Variants in ESRRG observed in about 807,000 individuals in gnomAD.
The protein encoded by ESRRG is estrogen-related receptor gamma.
Under a neutral mutation model 44.0 loss-of-function variants are expected in ESRRG, and 13 were observed. The ratio of observed to expected loss-of-function variants is 0.30; its 90% CI spans 0.19 to 0.47. ESRRG has a LOEUF of 0.47. Among genes scored for constraint, ESRRG ranks in the 20% least tolerant of loss-of-function variants. The probability of loss-of-function intolerance (pLI) is 1.00; values close to 1 mark genes in which losing one functional copy is unlikely to be tolerated. For missense variants in ESRRG, 395 were observed against 580.6 expected, an observed-to-expected ratio of 0.68 and a Z score of 3.29; for synonymous variants, 215 against 214.6, an observed-to-expected ratio of 1.00 and a Z score of -0.02.
intron 1 of ESRRG, among the ~76,000 whole-genome samples, chr1:216,950,754 T>C (rs2066821218): frequency 6.6e-6 from 1 of 152,224 alleles, no homozygotes; most frequent in Non-Finnish European, 1.5e-5. Context: ...TTATTGAAGA[T>C]GTTCAAAAAC....
chr1:217,070,689 A>T (rs541483452), intron 1 of ESRRG, among the ~76,000 whole-genome samples: 3 of 152,352 alleles, frequency 2.0e-5, no homozygotes, highest in East Asian at 3.9e-4. Flanking sequence ...ACCAATGTTA[A>T]AATCTGGAAA....
At chr1:216,923,600 C>G (rs774819175) in intron 2 of ESRRG, among the ~76,000 whole-genome samples, 1 of 150,948 alleles carries the variant, frequency 6.6e-6, no homozygotes, top group Non-Finnish European at 1.5e-5. Flanking sequence ...TCGGCAGATC[C>G]GAGCAGAGGA....
intron 2 of ESRRG, among the ~76,000 whole-genome samples, chr1:216,850,020 G>T (rs2095817576): frequency 6.6e-6 from 1 of 152,056 alleles, no homozygotes; most frequent in South Asian, 2.1e-4. Flanking sequence ...ACTGAAAGGT[G>T]TAATGCACTT....
intron 2 of ESRRG, among the ~76,000 whole-genome samples, chr1:216,800,700 A>G (rs1334656852): frequency 6.6e-6 from 1 of 152,182 alleles, no homozygotes; most frequent in African/African-American, 2.4e-5. Context: ...GCATATGCTC[A>G]TAAAATTTAG....
At chr1:216,759,957 A>G (rs1446945892) in intron 2 of ESRRG, among the ~76,000 whole-genome samples, 2 of 152,048 alleles carry the variant, frequency 1.3e-5, no homozygotes, top group Non-Finnish European at 2.9e-5. Flanking sequence ...CAACCTTCAG[A>G]TCTTAGAACA....
intron 2 of ESRRG, among the ~76,000 whole-genome samples, chr1:216,766,108 A>G (rs2093061092): frequency 6.6e-6 from 1 of 152,112 alleles, no homozygotes; most frequent in South Asian, 2.1e-4. Context: ...CATTCAGCAT[A>G]CTTGTCCTCA....
chr1:216,776,058 C>T (rs185268082), intron 2 of ESRRG, among the ~76,000 whole-genome samples: 2 of 152,162 alleles, frequency 1.3e-5, no homozygotes, highest in Non-Finnish European at 2.9e-5. Flanking sequence ...GAGAGCTCTT[C>T]TTATCACTCC....
intron 1 of ESRRG, among the ~76,000 whole-genome samples, chr1:216,719,945 A>T (rs986283750): frequency 2.6e-5 from 4 of 152,068 alleles, no homozygotes; most frequent in Non-Finnish European, 5.9e-5. Flanking sequence ...TCTATAAAAA[A>T]GGGATTTTTA....
chr1:216,966,812 T>C (rs2070482500), intron 1 of ESRRG, among the ~76,000 whole-genome samples: 1 of 152,180 alleles, frequency 6.6e-6, no homozygotes, highest in Admixed American at 6.5e-5. Context: ...ACCAATGGCC[T>C]TCCAGCTGTC....
At chr1:216,631,092 A>C (rs962740480) in intron 3 of ESRRG, among the ~76,000 whole-genome samples, 6 of 152,148 alleles carry the variant, frequency 3.9e-5, no homozygotes, top group African/African-American at 1.4e-4. Flanking sequence ...AAAGAAAAAA[A>C]AAAAAAATCC....
chr1:216,609,860 T>G (rs531306412), intron 3 of ESRRG, among the ~76,000 whole-genome samples: 4 of 152,344 alleles, frequency 2.6e-5, no homozygotes, highest in African/African-American at 7.2e-5. Flanking sequence ...GGCCTACATT[T>G]CTATTTGGTG....
At chr1:216,712,278 T>C (rs895868174) in intron 1 of ESRRG, among the ~76,000 whole-genome samples, 8 of 152,168 alleles carry the variant, frequency 5.3e-5, no homozygotes, top group African/African-American at 1.9e-4. Context: ...CAATGCTATA[T>C]AACGGAAGAG....
intron 1 of ESRRG, among the ~76,000 whole-genome samples, chr1:217,009,098 G>A (rs547394153): frequency 2.6e-5 from 4 of 152,058 alleles, no homozygotes; most frequent in Admixed American, 6.6e-5. Flanking sequence ...TTGCATCTCC[G>A]TAATTTCACC....
At chr1:216,704,553 G>T (rs943194491) in intron 1 of ESRRG, among the ~76,000 whole-genome samples, 1 of 151,958 alleles carries the variant, frequency 6.6e-6, no homozygotes, top group Non-Finnish European at 1.5e-5. Context: ...AAGAAAAAAA[G>T]ATCTAGTAAA....
intron 2 of ESRRG, among the ~76,000 whole-genome samples, chr1:216,921,211 C>T (rs1366694360): frequency 1.3e-5 from 2 of 152,114 alleles, no homozygotes; most frequent in African/African-American, 2.4e-5. Flanking sequence ...CATCTTTCAT[C>T]AGGAGGTGGA....
At chr1:216,711,743 T>C (rs1167751533) in intron 1 of ESRRG, among the ~76,000 whole-genome samples, 1 of 152,194 alleles carries the variant, frequency 6.6e-6, no homozygotes, top group Non-Finnish European at 1.5e-5. Flanking sequence ...AATGATATTA[T>C]AATATACTTG....
At chr1:216,577,381 C>A (rs1251347141) in intron 3 of ESRRG, among the ~76,000 whole-genome samples, 2 of 151,984 alleles carry the variant, frequency 1.3e-5, no homozygotes, top group Admixed American at 6.6e-5. Flanking sequence ...TGAATATTCT[C>A]TTTATCCTTT....
At chr1:216,528,119 G>A (rs1418683158) in intron 5 of ESRRG, among the ~76,000 whole-genome samples, 1 of 152,164 alleles carries the variant, frequency 6.6e-6, no homozygotes, top group East Asian at 1.9e-4. Flanking sequence ...AAAGACCATT[G>A]CAGGAACCAG....
chr1:216,743,836 A>G (rs543654644), intron 2 of ESRRG, among the ~76,000 whole-genome samples: 1 of 152,326 alleles, frequency 6.6e-6, no homozygotes, highest in East Asian at 1.9e-4. Flanking sequence ...TCTCAGTAAC[A>G]TTCTAATTTT....
Sources: allele counts gnomAD v4.1 joint callset (sites outside exome capture counted in the v4.1 genomes callset), GRCh38; gene constraint gnomAD v4.1.1; transcripts MANE v1.5; gene names NCBI Gene and HGNC (gene_info 2026-07-23, HGNC 2026-07-21).